SAMD4B: variants seen among roughly 807,000 people sequenced by gnomAD.
SAMD4B encodes sterile alpha motif domain containing 4B.
Under a neutral mutation model 74.5 loss-of-function variants are expected in SAMD4B, and 5 were observed. That is an observed-to-expected ratio of 0.07 (90% CI 0.04 to 0.14). SAMD4B has a LOEUF of 0.14. SAMD4B is among the 10% of genes least tolerant of loss of function. SAMD4B has a pLI of 1.00. For missense variants in SAMD4B, 608 were observed against 921.8 expected, an observed-to-expected ratio of 0.66 and a Z score of 4.41; for synonymous variants, 373 against 374.9, an observed-to-expected ratio of 1.00 and a Z score of 0.06.
downstream of SAMD4B, chr19:39,389,418 T>C (rs1568374788): frequency 2.5e-6 from 4 of 1,610,040 alleles, no homozygotes; most frequent in Admixed American, 5.0e-5. The surrounding 1 kb of genome is among the most constrained non-coding windows in gnomAD (Gnocchi z 5.3). Flanking sequence ...AGGACCCCAC[T>C]GCCCTCCTGC....
downstream of SAMD4B, chr19:39,386,865 C>CTCACTGGGGGGCGGGGAAGTG: frequency 1.8e-6 from 2 of 1,082,048 alleles, no homozygotes; most frequent in Non-Finnish European, 2.9e-6. The surrounding 1 kb of genome is among the most constrained non-coding windows in gnomAD (Gnocchi z 6.1). Flanking sequence ...CCCACTTCCC[C>CTCACTGGGGGGCGGGGAAGTG]GCCCCCCAGT....
chr19:39,390,042 A>C, downstream of SAMD4B: 1 of 1,563,874 alleles, frequency 6.4e-7, no homozygotes, highest in Non-Finnish European at 8.8e-7. Flanking sequence ...CTCATACCTG[A>C]GTAGTTTTCC....
chr19:39,361,759 TA>T (rs1398590200), intron 3 of SAMD4B, among the ~76,000 whole-genome samples: 2 of 150,500 alleles, frequency 1.3e-5, no homozygotes, highest in Non-Finnish European at 3.0e-5. Context: ...CCATCTCTAC[TA>T]AAAATACAAA....
intron 9 of SAMD4B, among the ~76,000 whole-genome samples, chr19:39,379,080 G>A (rs1010951364): frequency 4.0e-5 from 6 of 150,462 alleles, no homozygotes; most frequent in East Asian, 1.9e-4. Flanking sequence ...TAATAGAGAC[G>A]AGGTCTCACA....
intron 3 of SAMD4B, among the ~76,000 whole-genome samples, chr19:39,362,556 T>G (rs968013781): frequency 3.9e-5 from 6 of 152,010 alleles, no homozygotes; most frequent in Non-Finnish European, 1.5e-5. Flanking sequence ...GAAGAAGAGG[T>G]CCCAGGTTAC....
chr19:39,390,743 G>T, the SAMD4B span: 1 of 1,456,554 alleles, frequency 6.9e-7, no homozygotes, highest in East Asian at 2.5e-5. Context: ...GCAGACCTGG[G>T]GGCTGGTGAC....
In SAMD4B at chr19:39,385,671, GA is replaced by G. The variant is rs961330342; in HGVS notation, c.*2156del. On this transcript the variant is annotated 3_prime_UTR_variant, in exon 14 of 14. Transcript: ENST00000610417. ...TGTTTAATGGTCTGGGCTTATTTTGGAAAAAAAAAAAACAAACAAAAAAAAC... is the reference window on the plus strand; with the variant it reads ...TGTTTAATGGTCTGGGCTTATTTTGGAAAAAAAAAAACAAACAAAAAAAAC... 4,552 of 428,304 alleles carry G rather than the reference GA, an allele frequency of 0.011. No individual in the cohort carries two copies. The highest frequency in any genetic ancestry group is 0.023 in the South Asian group (639 of 28,156). 26.5% of individuals were successfully genotyped at this position (428,304 alleles called of 1,614,324 possible).
chr19:39,386,473 C>T, downstream of SAMD4B: 1 of 1,614,164 alleles, frequency 6.2e-7, no homozygotes, highest in Middle Eastern at 1.6e-4. The surrounding 1 kb of genome is among the most constrained non-coding windows in gnomAD (Gnocchi z 6.1). Context: ...CTGGCCTGTC[C>T]AGATTTACCT....
intron 1 of SAMD4B, among the ~76,000 whole-genome samples, chr19:39,347,896 G>T (rs1001543747): frequency 1.3e-4 from 20 of 152,126 alleles, no homozygotes; most frequent in Non-Finnish European, 1.9e-4. Context: ...AACATTCAAG[G>T]TCCTGAAATT....
downstream of SAMD4B, chr19:39,386,878 G>A (rs895260716): frequency 2.3e-5 from 22 of 966,064 alleles, no homozygotes; most frequent in Non-Finnish European, 3.0e-5. The surrounding 1 kb of genome is among the most constrained non-coding windows in gnomAD (Gnocchi z 6.1). Context: ...CCCCCAGTGA[G>A]GGGTCTGGTC....
chr19:39,345,686 G>A (rs2075653589), intron 1 of SAMD4B, among the ~76,000 whole-genome samples: 1 of 152,214 alleles, frequency 6.6e-6, no homozygotes, highest in Middle Eastern at 3.4e-3. Context: ...CTGAAAGTAC[G>A]GGATGTGTCT....
rs760161540 is a variant in SAMD4B, at chr19:39,376,534, C to A, written c.1005C>A (p.His335Gln). 9.0e-5 allele frequency: 145 copies of A among 1,613,226 alleles called. No individual in the cohort carries two copies. The highest frequency in any genetic ancestry group is 1.1e-4 in the Non-Finnish European group (127 of 1,179,798). ...YEEMMTLTEQ[H>Q]LESQNVTKGA... ...AGATGATGACACTGACTGAGCAGCA[C>A]CTGGAGTCTCAGGTGAAGCCAAGGG... is the stretch of plus-strand genomic sequence containing the variant. The change falls in exon 6 of 14, where the codon CAC (histidine) becomes CAA (glutamine). Residue 335 changes from histidine (H) to glutamine (Q), a missense_variant. His to Gln is a conservative substitution (Grantham distance 24, BLOSUM62 0). Transcript: ENST00000610417.
chr19:39,361,252 C>A (rs541676633), intron 3 of SAMD4B, among the ~76,000 whole-genome samples: 1 of 152,128 alleles, frequency 6.6e-6, no homozygotes, highest in Non-Finnish European at 1.5e-5. Flanking sequence ...CTCCTCCCCA[C>A]CCTCCCCAAA....
At chr19:39,364,209 C>A (rs1001418374) in intron 3 of SAMD4B, among the ~76,000 whole-genome samples, 4 of 152,230 alleles carry the variant, frequency 2.6e-5, no homozygotes, top group Non-Finnish European at 1.5e-5. Flanking sequence ...AGCTGTGTCC[C>A]TTAGCCCTGG....
intron 3 of SAMD4B, among the ~76,000 whole-genome samples, chr19:39,362,671 C>T (rs1168274517): frequency 1.3e-5 from 2 of 152,256 alleles, no homozygotes; most frequent in East Asian, 3.9e-4. Context: ...CTGACTTGGA[C>T]CAGAAGGCTG....
chr19:39,388,983 T>A, downstream of SAMD4B: 1 of 1,614,150 alleles, frequency 6.2e-7, no homozygotes, highest in Admixed American at 1.7e-5. Context: ...CCTCCACCGG[T>A]GTGACTCGGG....
rs1433013354 is a variant in SAMD4B at position 39,375,122 on chromosome 19, G to A, written c.668-528G>A. Among the ~76,000 whole-genome samples the A allele has an allele frequency of 6.6e-6, 1 of 152,164 alleles. No homozygotes were observed. The highest frequency in any genetic ancestry group is 1.9e-4 in the East Asian group (1 of 5,198). On this transcript the variant is annotated intron_variant, in intron 4 of 13. Coordinates refer to ENST00000610417, the MANE Select transcript of SAMD4B (RefSeq NM_001384574.2). The surrounding 1 kb of genome is among the most constrained non-coding windows in gnomAD (Gnocchi z 4.1). Reference sequence around the variant, plus strand: ...ACCTTGAGTGTTTCAGGAACAAAGGGGAGTTTGGGAGGAGGCAAAGGCTAG... The same window carrying A: ...ACCTTGAGTGTTTCAGGAACAAAGGAGAGTTTGGGAGGAGGCAAAGGCTAG...
chr19:39,376,941 CCGG>C (rs2077633819), intron 7 of SAMD4B, 150 bp downstream of exon 7: 7 of 635,536 alleles, frequency 1.1e-5, no homozygotes, highest in Non-Finnish European at 1.9e-5. Flanking sequence ...CACATGCAAG[CCGG>C]CATCAAAAGG....
At chr19:39,388,961 A>G, downstream of SAMD4B, 1 of 1,614,096 alleles carries the variant, frequency 6.2e-7, no homozygotes. Context: ...AAGTCTGGGA[A>G]GACAGGCATG....
Sources: allele counts gnomAD v4.1 joint callset (sites outside exome capture counted in the v4.1 genomes callset), GRCh38; gene constraint gnomAD v4.1.1; non-coding constraint Gnocchi (gnomAD v3.1); transcripts MANE v1.5; gene names NCBI Gene and HGNC (gene_info 2026-07-23, HGNC 2026-07-21).